Variants in SSBP4 observed in about 807,000 individuals in gnomAD.
The protein encoded by SSBP4 is single stranded DNA binding protein 4.
SSBP4 carries 33 observed loss-of-function variants against 64.6 expected under a neutral mutation model. That is an observed-to-expected ratio of 0.51 (90% CI 0.39 to 0.68). The LOEUF is 0.68. Ranked by LOEUF, SSBP4 falls within the 30% of genes least tolerant of loss-of-function variation. The pLI is 0.00. For missense variants in SSBP4, 583 were observed against 566.8 expected (o/e 1.03, Z -0.29); for synonymous variants, 243 against 224.0 (o/e 1.08, Z -0.76).
intron 1 of SSBP4, among the ~76,000 whole-genome samples, chr19:18,425,603 C>T (rs980473395): frequency 6.5e-5 from 9 of 137,840 alleles, no homozygotes; most frequent in Non-Finnish European, 1.2e-4. Context: ...GCCTGCAGGC[C>T]GCCGGGCCAG....
chr19:18,404,992 C>A, the SSBP4 span, among the ~76,000 whole-genome samples: 44,367 of 125,368 alleles, frequency 0.35, 7,214 homozygotes, highest in African/African-American at 0.46. Context: ...GAGGCCCCCC[C>A]CCCCGCGAAA....
Position 18,432,831 on chromosome 19 carries a change from A to AC in SSBP4, c.794dup (p.Gly266ArgfsTer13). ...CGGTTCCTGTCTCTTGTGTGCAGGG[A>AC]CCCCCAGGAGGAGGTGGGCCCCCTG... On this transcript the variant is annotated frameshift_variant, in exon 13 of 18. Transcript: ENST00000270061. LOFTEE classifies it high-confidence loss of function. 6.2e-7 allele frequency: 1 copy of AC among 1,612,380 alleles called. No individual in the cohort carries two copies. Among genetic ancestry groups the AC allele is most frequent in the Non-Finnish European group, 8.5e-7 (1 of 1,179,624 alleles).
upstream of SSBP4, among the ~76,000 whole-genome samples, chr19:18,414,803 GCAT>G (rs1972118644): frequency 1.3e-5 from 2 of 152,136 alleles, no homozygotes; most frequent in African/African-American, 4.8e-5. Flanking sequence ...GGGATTGGTG[GCAT>G]GACCCAGTGG....
At position 18,431,396 on chromosome 19, in the gene SSBP4, C is replaced by A; in HGVS notation, c.413C>A (p.Pro138His). The change falls in exon 6 of 18, where the codon CCC (proline) becomes CAC (histidine). Residue 138 changes from proline to histidine, a missense_variant. Transcript: ENST00000270061. ...SQPSPHNPNA[P>H]MMGPHGQPFM... ...CCGTCCCCCCACAACCCCAACGCCC[C>A]CATGATGGGGCCTCACGGTCAGGTA... The A allele has an allele frequency of 2.0e-6, 3 of 1,514,068 alleles. No homozygotes were observed. The highest frequency in any genetic ancestry group is 2.3e-5 in the East Asian group (1 of 42,684). The allele number at this position is 1,514,068 out of a possible 1,614,324, so 93.8% of individuals were successfully genotyped here.
chr19:18,431,163 G>C (rs1973339192), intron 5 of SSBP4, among the ~76,000 whole-genome samples, 190 bp from the exon 6 acceptor site: 1 of 151,916 alleles, frequency 6.6e-6, no homozygotes, highest in Non-Finnish European at 1.5e-5. Context: ...GTGCGCACAG[G>C]GTGCTTGGGG....
intron 6 of SSBP4, 26 bp downstream of exon 6, chr19:18,431,444 C>A: frequency 7.8e-7 from 1 of 1,274,326 alleles, no homozygotes; most frequent in Non-Finnish European, 1.1e-6. Flanking sequence ...GCCTGCCCCT[C>A]ACACACACAC....
upstream of SSBP4, chr19:18,419,391 A>G (rs1210133631): frequency 1.5e-5 from 15 of 1,025,752 alleles, no homozygotes; most frequent in Non-Finnish European, 1.7e-5. Flanking sequence ...GGAGGAGGGG[A>G]GCGCGCGTTT....
Position 18,431,713 on chromosome 19 carries a change from A to G in SSBP4, c.495+7A>G. On this transcript the variant is annotated splice_region_variant and intron_variant, in intron 7 of 17. Transcript: ENST00000270061. ...CCTGCGGATGCCGAGTCAGGTGAGA[A>G]AGGGATGAGGGGAGGGCGGGCAGGA... The G allele has an allele frequency of 1.3e-6, 2 of 1,549,800 alleles. No individual in the cohort carries two copies. Among genetic ancestry groups the G allele is most frequent in the Non-Finnish European group, 1.7e-6 (2 of 1,146,876 alleles).
chr19:18,407,244 G>A, the SSBP4 span, among the ~76,000 whole-genome samples: 5 of 151,876 alleles, frequency 3.3e-5, no homozygotes, highest in South Asian at 8.3e-4. Context: ...CACCTTGTTG[G>A]CCAGGCTGGT....
At chr19:18,422,801 T>G (rs570410579) in intron 1 of SSBP4, among the ~76,000 whole-genome samples, 59 of 152,288 alleles carry the variant, frequency 3.9e-4, no homozygotes, top group African/African-American at 1.1e-3. Flanking sequence ...CTCTGTGAAA[T>G]GGGGTGAAGA....
At position 18,432,200 on chromosome 19, in the gene SSBP4, G is replaced by A; in HGVS notation, c.690G>A (p.Leu230=). The A allele has an allele frequency of 6.2e-7, 1 of 1,613,114 alleles. No individual in the cohort carries two copies. The highest frequency in any genetic ancestry group is 8.5e-7 in the Non-Finnish European group (1 of 1,179,984). Residue 230 remains leucine, a synonymous_variant, in exon 10 of 18, where the codon CTG becomes CTA. Coordinates refer to ENST00000270061, the MANE Select transcript of SSBP4 (RefSeq NM_032627.5). ...CCAACTCCCTCGCCGGCCCAGGCCT[G>A]CCTGCCATGAACATGTAAGACCCTG... ...PPPNSLAGPG[L]PAMNMGPGVR...
chr19:18,432,700 A>T lies in SSBP4; in HGVS notation c.751A>T (p.Ile251Phe). The part of the protein sequence containing the change: ...GPWASPSGNS[I>F]PYSSSSPGSY... ...TGCTCACAGCTGCCCTTGTCCCCAG[A>T]TCCCCTACTCCTCCTCATCCCCCGG... The change falls in exon 12 of 18, where the codon ATC (isoleucine) becomes TTC (phenylalanine). Residue 251 changes from isoleucine to phenylalanine, a missense_variant and splice_region_variant. This residue lies in a region of SSBP4 where 444 missense variants were observed against 386.6 expected (regional missense o/e 1.15). Coordinates refer to ENST00000270061, the MANE Select transcript of SSBP4 (RefSeq NM_032627.5). 6.4e-7 allele frequency: 1 copy of T among 1,572,864 alleles called. No individual in the cohort carries two copies. Among genetic ancestry groups the T allele is most frequent in the Non-Finnish European group, 8.7e-7 (1 of 1,155,086 alleles).
At chr19:18,410,018 G>A in the SSBP4 span, among the ~76,000 whole-genome samples, 9 of 152,058 alleles carry the variant, frequency 5.9e-5, no homozygotes, top group Non-Finnish European at 2.9e-5. Context: ...TTTGGAGACG[G>A]AGTCTCGCTC....
At chr19:18,425,058 C>T (rs951772137) in intron 1 of SSBP4, among the ~76,000 whole-genome samples, 5 of 43,216 alleles carry the variant, frequency 1.2e-4, no homozygotes, top group Admixed American at 3.2e-4. Flanking sequence ...AGCTGGTAGC[C>T]GGGGGCGGGG....
rs769443535 is a variant in SSBP4 at position 18,431,859 on chromosome 19, C to T, written c.562C>T (p.Gln188Ter). 1.3e-6 allele frequency: 2 copies of T among 1,572,962 alleles called. No homozygotes were observed. The highest frequency in any genetic ancestry group is 3.6e-5 in the Admixed American group (2 of 54,998). The change falls in exon 8 of 18, where the codon CAG (glutamine) becomes TAG (stop). Residue 188 changes from glutamine (Q) to a stop codon, truncating the protein, a stop_gained. Transcript: ENST00000270061. LOFTEE classifies it high-confidence loss of function. The part of the protein sequence containing the change: ...PGAMEPSPRA[Q>*]GHPSMGGPMQ... ...CGCCATGGAGCCCTCCCCACGAGCC[C>T]AGGGTGAGTAGGGAAGCTCCAGCCC...
the SSBP4 span, among the ~76,000 whole-genome samples, chr19:18,403,772 G>C: frequency 1.3e-5 from 2 of 151,904 alleles, no homozygotes; most frequent in Non-Finnish European, 2.9e-5. Context: ...GGAGTCTTGG[G>C]GTCTGGGGCC....
At chr19:18,414,288 C>T (rs911888604), upstream of SSBP4, among the ~76,000 whole-genome samples, 17 of 152,154 alleles carry the variant, frequency 1.1e-4, no homozygotes, top group Admixed American at 8.5e-4. Context: ...ACATGACGTC[C>T]TTGGTTCCTT....
chr19:18,419,990 C>T (rs897503564), intron 1 of SSBP4: 4 of 170,314 alleles, frequency 2.3e-5, no homozygotes, highest in Non-Finnish European at 3.7e-5. Flanking sequence ...CCAGGGGTCG[C>T]GAGATTGGCG....
chr19:18,429,617 C>T (rs775766454), intron 4 of SSBP4, among the ~76,000 whole-genome samples: 1 of 151,248 alleles, frequency 6.6e-6, no homozygotes, highest in Non-Finnish European at 1.5e-5. Context: ...ACCGGAGGGG[C>T]CGCCTGGGAG....
Sources: allele counts gnomAD v4.1 joint callset (sites outside exome capture counted in the v4.1 genomes callset), GRCh38; gene constraint gnomAD v4.1.1; regional missense constraint gnomAD v4.1.1; transcripts MANE v1.5; gene names NCBI Gene and HGNC (gene_info 2026-07-23, HGNC 2026-07-21).